STX11: variants seen among roughly 807,000 people sequenced by gnomAD.
STX11 encodes the protein syntaxin-11.
STX11 carries 21 observed loss-of-function variants against 19.9 expected under a neutral mutation model. That is an observed-to-expected ratio of 1.06 (90% CI 0.75 to 1.52). The LOEUF (loss-of-function observed/expected upper bound fraction) is 1.52. Among genes scored for constraint, STX11 ranks in the 40% most tolerant of loss-of-function variants. The pLI is 0.00. For synonymous variants in STX11, 193 were observed against 174.4 expected, an observed-to-expected ratio of 1.11 and a Z score of -0.84; for missense variants, 438 against 405.9, an observed-to-expected ratio of 1.08 and a Z score of -0.68.
chr6:144,147,671 T>G (rs909711967), upstream of STX11, among the ~76,000 whole-genome samples: 1 of 152,104 alleles, frequency 6.6e-6, no homozygotes, highest in African/African-American at 2.4e-5. The surrounding 1 kb of genome is among the most constrained non-coding windows in gnomAD (Gnocchi z 4.2). Flanking sequence ...AAAATGCCAC[T>G]CTTAATCCCC....
At position 144,175,906 on chromosome 6, in the gene STX11, G is replaced by A. The variant is rs1331134524; in HGVS notation, c.-5-10717G>A. Among the ~76,000 whole-genome samples, 1 of 152,176 alleles carries A rather than the reference G, an allele frequency of 6.6e-6. No individual in the cohort carries two copies. Among genetic ancestry groups the A allele is most frequent in the African/African-American group, 2.4e-5 (1 of 41,436 alleles). ...TGGAAGATGTGGCTTACATCTGTGGGACTGTGCATTCTGATCTTGAAGCCA... is the reference window on the plus strand; with the variant it reads ...TGGAAGATGTGGCTTACATCTGTGGAACTGTGCATTCTGATCTTGAAGCCA... On this transcript the variant is annotated intron_variant, in intron 1 of 1. Transcript: ENST00000367568. The surrounding 1 kb of genome is among the most constrained non-coding windows in gnomAD (Gnocchi z 5.1).
Position 144,176,796 on chromosome 6 carries a change from A to AGT in STX11, c.-5-9822_-5-9821dup, listed in dbSNP as rs1441606528. Among the ~76,000 whole-genome samples, 7 of 152,332 alleles carry AGT rather than the reference A, an allele frequency of 4.6e-5. No homozygotes were observed. The highest frequency in any genetic ancestry group is 1.7e-4 in the African/African-American group (7 of 41,590). On this transcript the variant is annotated intron_variant, in intron 1 of 1. Transcript: ENST00000367568. This position sits in a 1 kb window ranked among gnomAD's most constrained non-coding sequence, Gnocchi z 4.1. ...TGCCCTGTTTTTTAAAAAGCAAGGA[A>AGT]GTGTGTCCAGGCATTTTAGAAGAGG...
chr6:144,182,516 C>T lies in STX11; in HGVS notation c.-5-4107C>T, dbSNP rs754997186. 2.0e-5 allele frequency among the ~76,000 whole-genome samples: 3 copies of T among 152,166 alleles called. No homozygotes were observed. The highest frequency in any genetic ancestry group is 4.4e-5 in the Non-Finnish European group (3 of 68,026). On this transcript the variant is annotated intron_variant, in intron 1 of 1. Transcript: ENST00000367568. This position sits in a 1 kb window ranked among gnomAD's most constrained non-coding sequence, Gnocchi z 4.8. ...ACTTGCGCCTTCACATGAGCTTGGG[C>T]CCTTACCTGATTTATAATTTGCTAT...
chr6:144,164,893 C>T (rs1801438801), intron 1 of STX11, among the ~76,000 whole-genome samples: 1 of 151,766 alleles, frequency 6.6e-6, no homozygotes, highest in South Asian at 2.1e-4. Flanking sequence ...GTTGCGGTTT[C>T]ACCATGTTGG....
rs1304657014 is a variant in STX11 at position 144,156,005 on chromosome 6, T to C, written c.-6+5302T>C. Among the ~76,000 whole-genome samples the C allele has an allele frequency of 3.0e-3, 384 of 126,198 alleles. 22 individuals are homozygous for C. In the East Asian group the frequency reaches 0.037, roughly 12 times the overall value. 82.8% of individuals were successfully genotyped at this position (126,198 alleles called of 152,430 possible). A position where few individuals can be genotyped will look rare whatever the true frequency, so the allele number is the denominator to read the frequency against. On this transcript the variant is annotated intron_variant, in intron 1 of 1. Coordinates refer to ENST00000367568, the MANE Select transcript of STX11 (RefSeq NM_003764.4). The stretch of plus-strand genomic sequence containing the variant: ...TTCTTTCTTTCTTTCTTTCTTTCTT[T>C]CTTTCTTTCTCTCTTTCTCTCCTTC...
rs1800996309 is a variant in STX11 at position 144,151,138 on chromosome 6, C to T, written c.-6+435C>T. ...AAACACCAGAATGGGTACTTCTTGA[C>T]TTGAACTTGGCGGTGTCACTCAGTA... On this transcript the variant is annotated intron_variant, in intron 1 of 1. Coordinates refer to ENST00000367568, the MANE Select transcript of STX11 (RefSeq NM_003764.4). The surrounding 1 kb of genome is among the most constrained non-coding windows in gnomAD (Gnocchi z 4.6). 1.4e-6 allele frequency: 1 copy of T among 691,808 alleles called. No homozygotes were observed. Among genetic ancestry groups the T allele is most frequent in the Non-Finnish European group, 1.8e-6 (1 of 562,096 alleles). The allele number at this position is 691,808 out of a possible 1,614,324, so 42.9% of individuals were successfully genotyped here.
At position 144,183,052 on chromosome 6, in the gene STX11, C is replaced by A. The variant is rs991401684; in HGVS notation, c.-5-3571C>A. ...GTTGCTAAGGAGTTAGTCCTTTAAA[C>A]GAATAGTATTTATTGTTTTATGGGG... On this transcript the variant is annotated intron_variant, in intron 1 of 1. Transcript: ENST00000367568. The surrounding 1 kb of genome is among the most constrained non-coding windows in gnomAD (Gnocchi z 4.6). Among the ~76,000 whole-genome samples the A allele has an allele frequency of 3.3e-5, 5 of 152,110 alleles. No individual in the cohort carries two copies. Among genetic ancestry groups the A allele is most frequent in the African/African-American group, 1.2e-4 (5 of 41,410 alleles).
chr6:144,161,513 G>A (rs1188873256), intron 1 of STX11, among the ~76,000 whole-genome samples: 12 of 152,090 alleles, frequency 7.9e-5, no homozygotes, highest in East Asian at 1.9e-4. Context: ...GATTACAGGC[G>A]CCCGCCACCA....
Position 144,188,147 on chromosome 6 carries a change from A to AT in STX11, c.*661dup, listed in dbSNP as rs777464508. Reference sequence around the variant, plus strand: ...ATATTTTGGTATTATTTTTCCAAACATTTTTAAGCACTGAATATCGAACAA... The same window carrying AT: ...ATATTTTGGTATTATTTTTCCAAACATTTTTTAAGCACTGAATATCGAACAA... On this transcript the variant is annotated 3_prime_UTR_variant, in exon 2 of 2. Coordinates refer to ENST00000367568, the MANE Select transcript of STX11 (RefSeq NM_003764.4). 5.4e-4 allele frequency: 129 copies of AT among 239,822 alleles called. No homozygotes were observed. Among genetic ancestry groups the AT allele is most frequent in the Non-Finnish European group, 5.4e-4 (61 of 113,366 alleles). 14.9% of individuals were successfully genotyped at this position (239,822 alleles called of 1,614,324 possible).
In STX11 at chr6:144,164,874, T is replaced by G. The variant is rs149813361; in HGVS notation, c.-6+14171T>G. On this transcript the variant is annotated intron_variant, in intron 1 of 1. Coordinates refer to ENST00000367568, the MANE Select transcript of STX11 (RefSeq NM_003764.4). ...ATGCCTGGGTAATTTTTTTTTTATT[T>G]TTAGTAGAGTTGCGGTTTCACCATG... Among the ~76,000 whole-genome samples the G allele has an allele frequency of 5.7e-3, 864 of 152,032 alleles. 26 individuals carry two copies. The East Asian group carries it at 0.084, about 15-fold the overall frequency.
At chr6:144,157,992 CA>C (rs60368775) in intron 1 of STX11, among the ~76,000 whole-genome samples, 24 of 142,214 alleles carry the variant, frequency 1.7e-4, no homozygotes, top group East Asian at 4.1e-4. Flanking sequence ...AGGGGAAAAA[CA>C]AAAAAAAAAG....
At position 144,186,614 on chromosome 6, in the gene STX11, T is replaced by C. The variant is rs928948911; in HGVS notation, c.-5-9T>C. 1 of 1,613,984 alleles carries C rather than the reference T, an allele frequency of 6.2e-7. No individual in the cohort carries two copies. Among genetic ancestry groups the C allele is most frequent in the Non-Finnish European group, 8.5e-7 (1 of 1,180,042 alleles). On this transcript the variant is annotated splice_polypyrimidine_tract_variant and intron_variant, in intron 1 of 1. Transcript: ENST00000367568. ...TAGAGAAATTTAACTTCATTATCTC[T>C]ACTTGCAGGCAAAATGAAAGACCGG...
intron 1 of STX11, among the ~76,000 whole-genome samples, chr6:144,186,421 C>T (rs990119597): frequency 2.0e-5 from 3 of 152,110 alleles, no homozygotes; most frequent in African/African-American, 7.2e-5. Context: ...CCTTAAAACA[C>T]AACTGTTTCA....
intron 1 of STX11, among the ~76,000 whole-genome samples, chr6:144,161,778 A>C (rs73582932): frequency 0.021 from 3,235 of 152,296 alleles, 96 homozygotes; most frequent in African/African-American, 0.072. Flanking sequence ...TAACAGCAGC[A>C]CAAACACAAT....
chr6:144,144,384 A>G, the STX11 span, among the ~76,000 whole-genome samples: 1 of 152,246 alleles, frequency 6.6e-6, no homozygotes, highest in East Asian at 1.9e-4. Flanking sequence ...AAAAAGCCAC[A>G]GACTTTTAAG....
the STX11 span, among the ~76,000 whole-genome samples, chr6:144,140,320 T>A: frequency 7.4e-5 from 11 of 148,640 alleles, no homozygotes; most frequent in East Asian, 2.2e-3. Context: ...AGTGGCACAA[T>A]CTTGGCTCAC....
chr6:144,140,243 TA>T, the STX11 span, among the ~76,000 whole-genome samples: 6 of 50,902 alleles, frequency 1.2e-4, no homozygotes, highest in African/African-American at 5.9e-4. Context: ...TATATATATA[TA>T]TATATATATA....
chr6:144,171,980 A>T (rs75810288), intron 1 of STX11, among the ~76,000 whole-genome samples: 1,636 of 152,302 alleles, frequency 0.011, 33 homozygotes, highest in East Asian at 0.081. Context: ...CACGTTGCTT[A>T]TGTTTGTGTT....
Position 144,170,392 on chromosome 6 carries a change from T to C in STX11, c.-5-16231T>C, listed in dbSNP as rs1801598430. Among the ~76,000 whole-genome samples the C allele has an allele frequency of 6.6e-6, 1 of 152,150 alleles. No homozygotes were observed. Among genetic ancestry groups the C allele is most frequent in the African/African-American group, 2.4e-5 (1 of 41,436 alleles). On this transcript the variant is annotated intron_variant, in intron 1 of 1. Coordinates refer to ENST00000367568, the MANE Select transcript of STX11 (RefSeq NM_003764.4). This position sits in a 1 kb window ranked among gnomAD's most constrained non-coding sequence, Gnocchi z 4.7. ...AATCTGGACATGTGCAGAAAAGATGTATTGCAGCTGAAGGGGGATGGGAGG... is the reference window on the plus strand; with the variant it reads ...AATCTGGACATGTGCAGAAAAGATGCATTGCAGCTGAAGGGGGATGGGAGG...
Sources: gnomAD v4.1 joint callset for allele counts (sites outside exome capture counted in the v4.1 genomes callset) on GRCh38, gnomAD v4.1.1 for gene constraint, Gnocchi (gnomAD v3.1) non-coding constraint, MANE v1.5 for transcripts, NCBI Gene and HGNC (gene_info 2026-07-23, HGNC 2026-07-21) for gene names.